Variants in COXFA4L2 observed in about 807,000 individuals in gnomAD.
COXFA4L2 encodes cytochrome c oxidase hypoxia associated subunit FA4L2, also known as NADH dehydrogenase (ubiquinone) 1 alpha subcomplex, 4-like 2.
chr12:57,236,708 G>A, the COXFA4L2 span: 2 of 1,537,052 alleles, frequency 1.3e-6, no homozygotes, highest in Non-Finnish European at 1.8e-6. Context: ...GAGCACTTTT[G>A]GGGTCAGCCC....
At chr12:57,239,127 G>T in the COXFA4L2 span, among the ~76,000 whole-genome samples, 1 of 152,224 alleles carries the variant, frequency 6.6e-6, no homozygotes, top group African/African-American at 2.4e-5. This position sits in a 1 kb window ranked among gnomAD's most constrained non-coding sequence, Gnocchi z 5.5. Flanking sequence ...GCGCTAACCC[G>T]CACCAGGATC....
chr12:57,235,680 CG>C, the COXFA4L2 span: 1 of 1,611,948 alleles, frequency 6.2e-7, no homozygotes, highest in Non-Finnish European at 8.5e-7. Context: ...GCTTCTAGTA[CG>C]GGAGTTGTGG....
At chr12:57,235,637 G>A in the COXFA4L2 span, 7 of 1,614,150 alleles carry the variant, frequency 4.3e-6, no homozygotes, top group Non-Finnish European at 5.9e-6. Flanking sequence ...GAGAGGGAAA[G>A]GGGGTTGCGC....
At chr12:57,240,748 C>A in the COXFA4L2 span, 2 of 985,536 alleles carry the variant, frequency 2.0e-6, no homozygotes, top group Non-Finnish European at 2.4e-6. Flanking sequence ...CATACACAGA[C>A]CTGCAGGCGG....
chr12:57,236,476 C>T, the COXFA4L2 span: 1 of 833,806 alleles, frequency 1.2e-6, no homozygotes, highest in Non-Finnish European at 1.8e-6. Flanking sequence ...CCTGAGATGC[C>T]GGTCGGTACA....
At chr12:57,236,796 C>T in the COXFA4L2 span, 1 of 1,003,248 alleles carries the variant, frequency 1.0e-6, no homozygotes, top group Non-Finnish European at 1.5e-6. Context: ...TGCTCCCTCC[C>T]TGGAATCTCC....
the COXFA4L2 span, chr12:57,235,692 G>C: frequency 6.2e-7 from 1 of 1,612,240 alleles, no homozygotes; most frequent in Non-Finnish European, 8.5e-7. Flanking sequence ...GGAGTTGTGG[G>C]TGCCAGGACC....
At chr12:57,236,992 G>A in the COXFA4L2 span, 2 of 1,613,282 alleles carry the variant, frequency 1.2e-6, no homozygotes, top group Non-Finnish European at 8.5e-7. Flanking sequence ...CAGCAGGAGA[G>A]TTAGGAGTTA....
At chr12:57,235,718 G>T in the COXFA4L2 span, 1 of 1,610,618 alleles carries the variant, frequency 6.2e-7, no homozygotes. Context: ...ATAAGAGGAT[G>T]GGGGGCAACC....
At chr12:57,236,991 A>T in the COXFA4L2 span, 1 of 1,612,898 alleles carries the variant, frequency 6.2e-7, no homozygotes, top group East Asian at 2.2e-5. Flanking sequence ...GCAGCAGGAG[A>T]GTTAGGAGTT....
At chr12:57,235,471 C>T in the COXFA4L2 span, 69 of 1,385,832 alleles carry the variant, frequency 5.0e-5, 1 homozygote, top group East Asian at 2.3e-4. Context: ...ACAGGGTGGC[C>T]GGAGTGATGC....
the COXFA4L2 span, chr12:57,235,565 A>T: frequency 2.5e-6 from 4 of 1,613,500 alleles, no homozygotes; most frequent in Non-Finnish European, 3.4e-6. Flanking sequence ...AGCCTGGCTT[A>T]GAAGTCTGGC....
At chr12:57,235,343 C>G in the COXFA4L2 span, 13 of 596,380 alleles carry the variant, frequency 2.2e-5, no homozygotes, top group African/African-American at 1.3e-4. Flanking sequence ...CCTCCTCCCC[C>G]ACGTGGGACT....
chr12:57,235,229 GCCACGCTCAACACGTAGC>G, the COXFA4L2 span: 2 of 380,716 alleles, frequency 5.3e-6, no homozygotes, highest in African/African-American at 4.1e-5. Flanking sequence ...GCTCACGTAG[GCCACGCTCAACACGTAGC>G]CTGTGCCACA....
At chr12:57,236,930 C>A in the COXFA4L2 span, 1 of 1,498,144 alleles carries the variant, frequency 6.7e-7, no homozygotes, top group Non-Finnish European at 9.3e-7. Context: ...AGAATAGGAG[C>A]GCTGAGGGAC....
At chr12:57,237,098 C>T in the COXFA4L2 span, 30 of 1,614,214 alleles carry the variant, frequency 1.9e-5, no homozygotes, top group African/African-American at 3.2e-4. Context: ...CGTTGTTTTC[C>T]CAGTCTGGTC....
the COXFA4L2 span, chr12:57,237,282 G>T: frequency 2.1e-6 from 3 of 1,437,806 alleles, no homozygotes; most frequent in South Asian, 1.5e-5. Context: ...TAGGGGAATT[G>T]TCTGGGAGCC....
At chr12:57,235,719 G>C in the COXFA4L2 span, 1 of 1,610,980 alleles carries the variant, frequency 6.2e-7, no homozygotes, top group Non-Finnish European at 8.5e-7. Flanking sequence ...TAAGAGGATG[G>C]GGGGCAACCC....
At chr12:57,235,493 C>T in the COXFA4L2 span, 76 of 1,525,914 alleles carry the variant, frequency 5.0e-5, no homozygotes, top group Middle Eastern at 2.3e-4. Context: ...TTGGGGCCTG[C>T]GGGGAGGAGT....
Sources: allele counts gnomAD v4.1 joint callset (sites outside exome capture counted in the v4.1 genomes callset), GRCh38; gene constraint gnomAD v4.1.1; non-coding constraint Gnocchi (gnomAD v3.1); transcripts MANE v1.5; gene names NCBI Gene and HGNC (gene_info 2026-07-23, HGNC 2026-07-21).